Variants in MYH7B observed in about 807,000 individuals in gnomAD.
MYH7B encodes myosin-7B.
MYH7B carries 205 observed loss-of-function variants against 234.5 expected under a neutral mutation model. The ratio of observed to expected loss-of-function variants is 0.87; its 90% CI spans 0.78 to 0.98. The LOEUF (loss-of-function observed/expected upper bound fraction) is 0.98, where lower values mean the gene tolerates loss of function less well. MYH7B is among the 50% of genes least tolerant of loss of function. The pLI is 0.00. For missense variants in MYH7B, 2,652 were observed against 2,633.4 expected (o/e 1.01, Z -0.15); for synonymous variants, 1,193 against 1,105.0 (o/e 1.08, Z -1.58).
intron 24 of MYH7B, 23 bp from the exon 25 acceptor site, chr20:34,993,079 C>G: frequency 6.2e-7 from 1 of 1,604,054 alleles, no homozygotes; most frequent in Non-Finnish European, 8.5e-7. Flanking sequence ...CCTCTCCTGA[C>G]CAGCTCTGCC....
At position 34,955,986 on chromosome 20, in the gene MYH7B, C is replaced by G. The variant is rs2081628966; in HGVS notation, c.-358C>G. 1.3e-5 allele frequency: 2 copies of G among 152,374 alleles called. No individual in the cohort carries two copies. Among genetic ancestry groups the G allele is most frequent in the African/African-American group, 4.8e-5 (2 of 41,546 alleles). The allele number at this position is 152,374 out of a possible 1,614,324, so 9.4% of individuals were successfully genotyped here. On this transcript the variant is annotated 5_prime_UTR_variant, in exon 1 of 45. It adds an upstream start codon to the 5' untranslated region. Coordinates refer to ENST00000262873, the Ensembl canonical transcript of MYH7B. ...CTTGGGAAGGAGGGGAGGGGACCAT[C>G]GGGGTCGGCGGGGAGCTACGGGTAT...
In MYH7B at chr20:34,987,223, CT is replaced by C. The variant is rs1180999485; in HGVS notation, c.1086del (p.Phe362LeufsTer4). The C allele has an allele frequency of 2.0e-5, 33 of 1,612,314 alleles. No individual in the cohort carries two copies. The highest frequency in any genetic ancestry group is 2.7e-5 in the Non-Finnish European group (32 of 1,180,032). On this transcript the variant is annotated frameshift_variant, in exon 16 of 45. Coordinates refer to ENST00000262873, the Ensembl canonical transcript of MYH7B. LOFTEE classifies it high-confidence loss of function. ...ATAAGATCGTGGGCGCCCTCCTGCA[CT>C]TTGGCAACATGAAGTTCAAGCAGAA...
chr20:34,999,542 GT>G, intron 36 of MYH7B, 28 bp from the exon 37 acceptor site: 1 of 1,570,266 alleles, frequency 6.4e-7, no homozygotes, highest in Non-Finnish European at 8.6e-7. Flanking sequence ...AGCCATGGGG[GT>G]GGCCTCTCAG....
At chr20:34,991,112 T>G in exon 24 of MYH7B, 1 of 1,607,748 alleles carries the variant, frequency 6.2e-7, no homozygotes, top group Non-Finnish European at 8.5e-7. Flanking sequence ...TACACCGACT[T>G]CCGGCAGCGG....
chr20:34,995,591 C>A lies in MYH7B; in HGVS notation c.2943+13C>A, dbSNP rs1460606857. On this transcript the variant is annotated intron_variant, in intron 28 of 44. Coordinates refer to ENST00000262873, the Ensembl canonical transcript of MYH7B. ...CACTGAGAACAAGGTGTGGGCCGGG[C>A]CAGCTGTGGGGAAGGGCCCTGAGCC... The A allele has an allele frequency of 6.2e-7, 1 of 1,613,118 alleles. No individual in the cohort carries two copies. Among genetic ancestry groups the A allele is most frequent in the African/African-American group, 1.3e-5 (1 of 75,060 alleles).
At chr20:34,965,881 G>A (rs1361612830) in intron 2 of MYH7B, among the ~76,000 whole-genome samples, 2 of 152,176 alleles carry the variant, frequency 1.3e-5, no homozygotes, top group Non-Finnish European at 2.9e-5. Context: ...TGAATGAGAG[G>A]GTGGGGCTAC....
intron 2 of MYH7B, among the ~76,000 whole-genome samples, chr20:34,961,854 T>C (rs1481389420): frequency 6.6e-6 from 1 of 152,214 alleles, no homozygotes; most frequent in Admixed American, 6.5e-5. Context: ...TGAATAGTCT[T>C]TCATTGTACA....
chr20:34,999,662 G>C, exon 37 of MYH7B: 3 of 1,613,700 alleles, frequency 1.9e-6, no homozygotes, highest in Middle Eastern at 1.6e-4. Context: ...AAGGCGAGAA[G>C]AGTGAGATCC....
intron 40 of MYH7B, 29 bp downstream of exon 40, chr20:35,000,922 C>A (rs2082363105): frequency 6.2e-7 from 1 of 1,609,720 alleles, no homozygotes; most frequent in East Asian, 2.2e-5. Flanking sequence ...TGTGGGGAGC[C>A]TGGGACAGAA....
rs2082042998 is a variant in MYH7B, at chr20:34,987,145, C to T, written c.1009-4C>T. ...CTGAACTCGCTTTCCCTGCTGCCCC[C>T]CAGCATGCCATGGACATCCTAGGCT... On this transcript the variant is annotated splice_region_variant and splice_polypyrimidine_tract_variant and intron_variant, in intron 15 of 44. Coordinates refer to ENST00000262873, the Ensembl canonical transcript of MYH7B. 6.2e-7 allele frequency: 1 copy of T among 1,613,310 alleles called. No individual in the cohort carries two copies. Among genetic ancestry groups the T allele is most frequent in the Non-Finnish European group, 8.5e-7 (1 of 1,179,802 alleles).
rs1426532788 is a variant in MYH7B, at chr20:34,980,706, G to A, written c.471G>A (p.Ala157=). The change falls in exon 8 of 45, where the codon GCG becomes GCA. Residue 157 remains alanine (A), a synonymous_variant. Transcript: ENST00000262873. ...CCCCGCCCCATATATATGCGGTGGC[G>A]GACAACGCCTACAACGACATGCTGC... 3.7e-6 allele frequency: 6 copies of A among 1,614,012 alleles called. No individual in the cohort carries two copies. In the East Asian group the frequency reaches 8.9e-5, roughly 24 times the overall value.
Position 34,982,692 on chromosome 20 carries a change from C to G in MYH7B, c.624+137C>G. On this transcript the variant is annotated intron_variant, in intron 10 of 44. Coordinates refer to ENST00000262873, the Ensembl canonical transcript of MYH7B. Reference sequence around the variant, plus strand: ...CTGAGCCCTGCCTGAGCCTCCCACCCTGGTGGGGGACTCTGGCCTGAGCAA... The same window carrying G: ...CTGAGCCCTGCCTGAGCCTCCCACCGTGGTGGGGGACTCTGGCCTGAGCAA... 7 of 737,004 alleles carry G rather than the reference C, an allele frequency of 9.5e-6. No homozygotes were observed. The South Asian group carries it at 1.4e-4, about 14-fold the overall frequency. 45.7% of individuals were successfully genotyped at this position (737,004 alleles called of 1,614,324 possible). A position where few individuals can be genotyped will look rare whatever the true frequency, so the allele number is the denominator to read the frequency against.
At chr20:34,974,930 T>C (rs1416584386) in intron 2 of MYH7B, among the ~76,000 whole-genome samples, 2 of 152,106 alleles carry the variant, frequency 1.3e-5, no homozygotes, top group East Asian at 3.9e-4. Context: ...CAAGGTACAA[T>C]CTAAGCTCTA....
exon 32 of MYH7B, chr20:34,997,474 C>G: frequency 3.3e-6 from 5 of 1,519,598 alleles, no homozygotes; most frequent in Non-Finnish European, 4.4e-6. Flanking sequence ...CGGCACGAGG[C>G]CACAGTGGCG....
At chr20:35,001,841 C>CAA (rs2082393082) in intron 43 of MYH7B, 107 bp from the exon 44 acceptor site, 7 of 1,502,040 alleles carry the variant, frequency 4.7e-6, no homozygotes, top group Non-Finnish European at 6.3e-6. Context: ...GCAATAGGAA[C>CAA]AAAGTTGAGA....
At chr20:34,978,932 C>A (rs1179797861) in intron 5 of MYH7B, among the ~76,000 whole-genome samples, 1 of 152,042 alleles carries the variant, frequency 6.6e-6, no homozygotes, top group Non-Finnish European at 1.5e-5. Context: ...GGACAGCTGG[C>A]CAGGCAGGAG....
chr20:34,990,765 C>A, exon 23 of MYH7B: 1 of 1,614,194 alleles, frequency 6.2e-7, no homozygotes, highest in South Asian at 1.1e-5. Flanking sequence ...GATGACCAAC[C>A]TGCGGGCCAC....
At chr20:34,979,803 A>G (rs1306269965) in exon 7 of MYH7B, 4 of 1,610,652 alleles carry the variant, frequency 2.5e-6, no homozygotes, top group South Asian at 1.1e-5. Context: ...TGGATGATCT[A>G]TGTGAGCCCC....
chr20:34,995,198 G>A, intron 27 of MYH7B, 138 bp from the exon 28 acceptor site: 1 of 821,392 alleles, frequency 1.2e-6, no homozygotes, highest in Non-Finnish European at 1.9e-6. Context: ...CCAAGAGCGA[G>A]TCAAGACATT....
Sources: gnomAD v4.1 joint callset for allele counts (sites outside exome capture counted in the v4.1 genomes callset) on GRCh38, gnomAD v4.1.1 for gene constraint, MANE v1.5 for transcripts, NCBI Gene and HGNC (gene_info 2026-07-23, HGNC 2026-07-21) for gene names.